The following ZNF484 variants were observed in gnomAD, a reference collection of about 807,000 sequenced individuals.
The protein encoded by ZNF484 is KRAB box containing C2H2 type zinc finger bA526D8.4.
ZNF484 carries 11 observed loss-of-function variants against 12.9 expected under a neutral mutation model. The ratio of observed to expected loss-of-function variants is 0.85; its 90% CI spans 0.54 to 1.41. The LOEUF is 1.41. ZNF484 is among the 40% of genes most tolerant of loss of function. The pLI, the probability that ZNF484 is intolerant of heterozygous loss-of-function variation, is 0.00. For synonymous variants in ZNF484, 289 were observed against 334.1 expected (o/e 0.86, Z 1.47); for missense variants, 807 against 1,007.7 (o/e 0.80, Z 2.70).
chr9:92,863,806 G>A (rs1199789728), intron 2 of ZNF484, among the ~76,000 whole-genome samples: 2 of 152,202 alleles, frequency 1.3e-5, no homozygotes, highest in African/African-American at 4.8e-5. Flanking sequence ...TAGGACGTTA[G>A]GCAGAGGCCT....
At chr9:92,858,939 C>G (rs1361032113) in intron 2 of ZNF484, among the ~76,000 whole-genome samples, 1 of 152,004 alleles carries the variant, frequency 6.6e-6, no homozygotes, top group Non-Finnish European at 1.5e-5. Flanking sequence ...TCCTGGCTAA[C>G]ACGGTGAAAC....
chr9:92,854,353 T>C (rs902703694), intron 4 of ZNF484, among the ~76,000 whole-genome samples: 2 of 152,180 alleles, frequency 1.3e-5, no homozygotes, highest in East Asian at 1.9e-4. Context: ...GAAAATAATG[T>C]GCTTATACCT....
rs755009372 is a variant in ZNF484 at position 92,847,444 on chromosome 9, G to T, written c.1343C>A (p.Ser448Tyr). ...KPYECSDCGK[S>Y]FIKKSQLHVH... ...ATGGAGTTGTGATTTTTTAATAAAG[G>T]ATTTCCCACAGTCACTGCATTCATA... Residue 448 changes from serine to tyrosine, a missense_variant, in exon 5 of 5, where the codon TCC becomes TAC. Transcript: ENST00000375495. The T allele has an allele frequency of 3.0e-5, 49 of 1,613,390 alleles. No homozygotes were observed. Among genetic ancestry groups the T allele is most frequent in the Non-Finnish European group, 4.2e-5 (49 of 1,179,836 alleles).
At chr9:92,850,935 G>A (rs111726455) in intron 4 of ZNF484, among the ~76,000 whole-genome samples, 213 of 152,238 alleles carry the variant, frequency 1.4e-3, no homozygotes, top group African/African-American at 4.9e-3. Context: ...GGGTACTGAT[G>A]TGATAAATGC....
Position 92,846,454 on chromosome 9 carries a change from C to CAT in ZNF484, c.2331_2332dup (p.Cys778TyrfsTer37). 1 of 1,614,104 alleles carries CAT rather than the reference C, an allele frequency of 6.2e-7. No individual in the cohort carries two copies. ...GGTGAAGGCCTTTCCACACTCAGCA[C>CAT]ATATATATGGTTTCTCTCCTGTGTG... On this transcript the variant is annotated frameshift_variant, in exon 5 of 5. Transcript: ENST00000375495. LOFTEE classifies it low-confidence loss of function (END_TRUNC).
intron 2 of ZNF484, among the ~76,000 whole-genome samples, chr9:92,871,633 A>C (rs776222623): frequency 2.6e-5 from 4 of 152,266 alleles, no homozygotes; most frequent in Non-Finnish European, 5.9e-5. Context: ...AGGAAGAATT[A>C]TAGTGAAACT....
intron 2 of ZNF484, among the ~76,000 whole-genome samples, chr9:92,870,711 A>C (rs1452726047): frequency 1.3e-5 from 2 of 152,216 alleles, no homozygotes; most frequent in Non-Finnish European, 2.9e-5. Flanking sequence ...TCACTCTGAG[A>C]GGTAATGAGG....
intron 2 of ZNF484, among the ~76,000 whole-genome samples, chr9:92,871,381 G>A (rs1239716302): frequency 6.6e-6 from 1 of 152,012 alleles, no homozygotes; most frequent in Non-Finnish European, 1.5e-5. Flanking sequence ...CTAAAGAATG[G>A]AGAGAAAACA....
rs752359385 is a variant in ZNF484, at chr9:92,846,627, A to G, written c.2160T>C (p.Tyr720=). The G allele has an allele frequency of 1.9e-6, 3 of 1,613,762 alleles. No individual in the cohort carries two copies. Among genetic ancestry groups the G allele is most frequent in the African/African-American group, 2.7e-5 (2 of 74,884 alleles). ...HQRIHTGEKP[Y]ICNECGKSFI... ...AGGATTTCCCACATTCATTACAAAT[A>G]TAGGGTTTCTCTCCTGTATGAATTC... The change falls in exon 5 of 5, where the codon TAT becomes TAC. Residue 720 remains tyrosine, a synonymous_variant. Transcript: ENST00000375495.
chr9:92,851,619 A>G (rs190585086), intron 4 of ZNF484, among the ~76,000 whole-genome samples: 5 of 152,364 alleles, frequency 3.3e-5, no homozygotes, highest in Admixed American at 1.3e-4. Context: ...CTGAACGGCC[A>G]TGGAAACAGA....
intron 2 of ZNF484, 135 bp from the exon 3 acceptor site, chr9:92,856,453 C>T: frequency 1.7e-6 from 1 of 595,320 alleles, no homozygotes; most frequent in Non-Finnish European, 2.6e-6. Flanking sequence ...TAATGTGATA[C>T]AATATACTAT....
At chr9:92,862,997 CA>C (rs1185363932) in intron 2 of ZNF484, among the ~76,000 whole-genome samples, 1 of 151,996 alleles carries the variant, frequency 6.6e-6, no homozygotes, top group Non-Finnish European at 1.5e-5. Flanking sequence ...TTCACAATAG[CA>C]AAGACATGGA....
Position 92,846,374 on chromosome 9 carries a change from T to TA in ZNF484, c.2412dup (p.Lys805Ter). 6.2e-7 allele frequency: 1 copy of TA among 1,614,104 alleles called. No individual in the cohort carries two copies. The highest frequency in any genetic ancestry group is 8.5e-7 in the Non-Finnish European group (1 of 1,179,986). On this transcript the variant is annotated frameshift_variant, in exon 5 of 5. Transcript: ENST00000375495. LOFTEE classifies it low-confidence loss of function (END_TRUNC). ...AAGGCTTTCCCCAAGTCACTGCACT[T>TA]ATAGGGTTTCTGTTTAGTATGAATT... is the stretch of plus-strand genomic sequence containing the variant.
At chr9:92,867,250 G>A (rs1187353675) in intron 2 of ZNF484, among the ~76,000 whole-genome samples, 1 of 152,068 alleles carries the variant, frequency 6.6e-6, no homozygotes, top group Admixed American at 6.5e-5. Context: ...AGGCTGAGGC[G>A]GGTGGATCAC....
At chr9:92,874,310 C>CT (rs34348573) in intron 2 of ZNF484, among the ~76,000 whole-genome samples, 3,117 of 137,528 alleles carry the variant, frequency 0.023, 69 homozygotes, top group East Asian at 0.1. Flanking sequence ...TTCTTTCTTT[C>CT]TTTTTTTTTT....
chr9:92,865,243 C>T (rs1204300788), intron 2 of ZNF484, among the ~76,000 whole-genome samples: 1 of 151,088 alleles, frequency 6.6e-6, no homozygotes, highest in African/African-American at 2.4e-5. Context: ...AGTTTGAGAC[C>T]AGCCTGGGCA....
intron 2 of ZNF484, among the ~76,000 whole-genome samples, chr9:92,866,162 A>C (rs535658992): frequency 6.6e-6 from 1 of 152,348 alleles, no homozygotes; most frequent in African/African-American, 2.4e-5. Flanking sequence ...CTGATAGGAA[A>C]AGAAAGAGGG....
At chr9:92,863,398 C>T (rs1178874304) in intron 2 of ZNF484, among the ~76,000 whole-genome samples, 3 of 152,044 alleles carry the variant, frequency 2.0e-5, no homozygotes, top group African/African-American at 7.2e-5. Context: ...CCTGCACATC[C>T]TGCACATGTA....
Position 92,846,265 on chromosome 9 carries a change from T to C in ZNF484, c.2522A>G (p.Asp841Gly), listed in dbSNP as rs1301987430. The C allele has an allele frequency of 6.2e-7, 1 of 1,613,928 alleles. No individual in the cohort carries two copies. The highest frequency in any genetic ancestry group is 8.5e-7 in the Non-Finnish European group (1 of 1,179,916). Residue 841 changes from aspartate to glycine, a missense_variant, in exon 5 of 5, where the codon GAC (aspartate) becomes GGC (glycine). By Grantham distance (94) the Asp-to-Gly change is moderately conservative. Transcript: ENST00000375495. ...ECSMPQLWCG[D>G]SEGDQGQLSS... ...AAGTTGGCCTTGGTCACCTTCTGAG[T>C]CCCCACACCATAATTGTGGCATGGA...
Sources: allele counts gnomAD v4.1 joint callset (sites outside exome capture counted in the v4.1 genomes callset), GRCh38; gene constraint gnomAD v4.1.1; transcripts MANE v1.5; gene names NCBI Gene and HGNC (gene_info 2026-07-23, HGNC 2026-07-21).